The following CNTN4 variants were observed in gnomAD, a reference collection of about 807,000 sequenced individuals.
The protein encoded by CNTN4 is contactin 4.
In CNTN4, 77 loss-of-function variants were observed where a neutral mutation model predicts 122.5. That is an observed-to-expected ratio of 0.63 (90% CI 0.52 to 0.76). The LOEUF (loss-of-function observed/expected upper bound fraction) is 0.76, where lower values mean the gene tolerates loss of function less well. CNTN4 is among the 30% of genes least tolerant of loss of function. The probability of loss-of-function intolerance (pLI) is 0.00; values close to 1 mark genes in which losing one functional copy is unlikely to be tolerated. For missense variants in CNTN4, 1,256 were observed against 1,259.1 expected (o/e 1.00, Z 0.04); for synonymous variants, 512 against 447.0 (o/e 1.15, Z -1.83).
chr3:3,002,394 T>A (rs980107679), intron 14 of CNTN4, among the ~76,000 whole-genome samples: 1 of 152,026 alleles, frequency 6.6e-6, no homozygotes, highest in African/African-American at 2.4e-5. Context: ...CCTTGCCAAC[T>A]AGGGACGAAT....
intron 2 of CNTN4, among the ~76,000 whole-genome samples, chr3:2,313,307 A>G (rs983139390): frequency 6.6e-6 from 1 of 151,974 alleles, no homozygotes; most frequent in African/African-American, 2.4e-5. Context: ...AGGAAAATGG[A>G]TAATATTTTT....
At chr3:2,875,846 G>A (rs1031328259) in intron 8 of CNTN4, among the ~76,000 whole-genome samples, 1 of 152,150 alleles carries the variant, frequency 6.6e-6, no homozygotes, top group African/African-American at 2.4e-5. Flanking sequence ...GTACTTCCTT[G>A]AAGGAAGGTG....
chr3:2,414,056 T>TG (rs1350298772), intron 3 of CNTN4, among the ~76,000 whole-genome samples: 1 of 152,082 alleles, frequency 6.6e-6, no homozygotes, highest in Non-Finnish European at 1.5e-5. Context: ...CCATAGACAG[T>TG]GGGGACAGTG....
intron 13 of CNTN4, among the ~76,000 whole-genome samples, chr3:2,940,351 A>G (rs2094602648): frequency 1.3e-5 from 2 of 152,216 alleles, no homozygotes; most frequent in Non-Finnish European, 2.9e-5. Context: ...AATGATATAT[A>G]TTTGGTGACA....
intron 24 of CNTN4, among the ~76,000 whole-genome samples, chr3:3,054,373 A>T (rs577067384): frequency 6.6e-6 from 1 of 152,366 alleles, no homozygotes; most frequent in South Asian, 2.1e-4. Flanking sequence ...CCAGTGAAAC[A>T]GTGTATGCAG....
intron 2 of CNTN4, among the ~76,000 whole-genome samples, chr3:2,116,334 C>T (rs1015373119): frequency 2.6e-5 from 4 of 152,088 alleles, no homozygotes; most frequent in Non-Finnish European, 4.4e-5. Flanking sequence ...CATTCCTGTC[C>T]TCAGCTTGGA....
At chr3:2,327,133 ATG>A (rs143040725) in intron 2 of CNTN4, among the ~76,000 whole-genome samples, 86 of 149,550 alleles carry the variant, frequency 5.8e-4, no homozygotes, top group African/African-American at 2.0e-3. Context: ...CTGGGAATAG[ATG>A]TGTGTGTGTG....
At chr3:2,950,887 C>T (rs1223451410) in intron 13 of CNTN4, among the ~76,000 whole-genome samples, 1 of 152,190 alleles carries the variant, frequency 6.6e-6, no homozygotes, top group Admixed American at 6.5e-5. Flanking sequence ...TTCATGACAA[C>T]ACGAGTTGCC....
intron 12 of CNTN4, among the ~76,000 whole-genome samples, chr3:2,911,623 T>G (rs2151226782): frequency 6.6e-6 from 1 of 152,244 alleles, no homozygotes; most frequent in African/African-American, 2.4e-5. Context: ...CAAAGAATTC[T>G]AATTATTCTC....
rs1350698482 is a variant in CNTN4, at chr3:3,026,200, A to G, written c.1585A>G (p.Ile529Val). Residue 529 changes from isoleucine (I) to valine (V), a missense_variant, in exon 15 of 25, where the codon ATC (isoleucine) becomes GTC (valine). Ile to Val is a conservative substitution (Grantham distance 29). Coordinates refer to ENST00000418658, the MANE Select transcript of CNTN4 (RefSeq NM_175607.3). The stretch of plus-strand genomic sequence containing the variant: ...GGTAACGCATGATCACTCGCTAGAC[A>G]TCGTGTTTACTTGGTCATTTAATGG... ...CQVTHDHSLD[I>V]VFTWSFNGHL... is the part of the protein sequence containing the mutation. The G allele has an allele frequency of 6.2e-7, 1 of 1,613,540 alleles. No individual in the cohort carries two copies. Among genetic ancestry groups the G allele is most frequent in the South Asian group, 1.1e-5 (1 of 91,076 alleles).
intron 2 of CNTN4, among the ~76,000 whole-genome samples, chr3:2,270,642 AG>A (rs990627815): frequency 2.0e-5 from 3 of 146,852 alleles, no homozygotes; most frequent in African/African-American, 7.3e-5. Context: ...GATGACAAGG[AG>A]GGGGGAAAAT....
intron 13 of CNTN4, among the ~76,000 whole-genome samples, chr3:2,933,045 A>C (rs1202676654): frequency 6.6e-6 from 1 of 151,990 alleles, no homozygotes; most frequent in Non-Finnish European, 1.5e-5. Flanking sequence ...GATGGTCTCG[A>C]TCTCCTGACC....
chr3:2,783,228 G>A (rs2091678975), intron 6 of CNTN4, among the ~76,000 whole-genome samples: 1 of 152,062 alleles, frequency 6.6e-6, no homozygotes. Flanking sequence ...GATGGAGGCT[G>A]CAGTGAGCCA....
At chr3:2,188,280 A>G (rs926237413) in intron 2 of CNTN4, among the ~76,000 whole-genome samples, 4 of 152,148 alleles carry the variant, frequency 2.6e-5, no homozygotes, top group African/African-American at 9.7e-5. Flanking sequence ...ATTTATCTTT[A>G]GGCTGCATCA....
At chr3:2,249,799 C>T (rs547622433) in intron 2 of CNTN4, among the ~76,000 whole-genome samples, 1 of 151,938 alleles carries the variant, frequency 6.6e-6, no homozygotes, top group South Asian at 2.1e-4. Flanking sequence ...CCACAATGCC[C>T]CTTGCCATAG....
chr3:2,222,080 A>T (rs1212822872), intron 2 of CNTN4, among the ~76,000 whole-genome samples: 3 of 152,160 alleles, frequency 2.0e-5, no homozygotes, highest in Non-Finnish European at 4.4e-5. Context: ...AACATAAATG[A>T]ACACCAAAAC....
At chr3:2,866,409 T>C (rs1413083716) in intron 7 of CNTN4, 1 of 1,103,618 alleles carries the variant, frequency 9.1e-7, no homozygotes, top group East Asian at 6.5e-5. Context: ...ATAGGCACCC[T>C]GGGTCTGTAA....
At position 2,734,850 on chromosome 3, in the gene CNTN4, A is replaced by G. The variant is rs192250338; in HGVS notation, c.56-1365A>G. 2.6e-5 allele frequency among the ~76,000 whole-genome samples: 4 copies of G among 152,326 alleles called. No homozygotes were observed. The East Asian group carries it at 7.7e-4, about 29-fold the overall frequency. ...TAGCAGTTGCAATTCTTGCCCTTCA[A>G]AATAATCACATATAAGGGGACTGCC... On this transcript the variant is annotated intron_variant, in intron 4 of 24. Coordinates refer to ENST00000418658, the MANE Select transcript of CNTN4 (RefSeq NM_175607.3).
chr3:2,613,291 A>G (rs2081576800), intron 4 of CNTN4, among the ~76,000 whole-genome samples: 1 of 152,118 alleles, frequency 6.6e-6, no homozygotes, highest in South Asian at 2.1e-4. Flanking sequence ...TCATTAGCAA[A>G]AATGACATCA....
Sources: gnomAD v4.1 joint callset for allele counts (sites outside exome capture counted in the v4.1 genomes callset) on GRCh38, gnomAD v4.1.1 for gene constraint, MANE v1.5 for transcripts, NCBI Gene and HGNC (gene_info 2026-07-23, HGNC 2026-07-21) for gene names.